Variants in SYAP1 observed in about 807,000 individuals in gnomAD.
SYAP1 encodes synapse associated protein 1.
SYAP1 carries 3 observed loss-of-function variants against 29.6 expected under a neutral mutation model. The observed-to-expected ratio is 0.10, with a 90% CI of 0.05 to 0.26. The LOEUF is 0.26. Ranked by LOEUF, SYAP1 falls within the 10% of genes least tolerant of loss-of-function variation. SYAP1 has a pLI of 1.00. For synonymous variants in SYAP1, 102 were observed against 102.7 expected, an observed-to-expected ratio of 0.99 and a Z score of 0.04; for missense variants, 217 against 264.1, an observed-to-expected ratio of 0.82 and a Z score of 1.24.
chrX:16,754,517 C>T (rs937958560), intron 5 of SYAP1, among the ~76,000 whole-genome samples: 4 of 111,352 alleles, frequency 3.6e-5, no homozygotes, highest in African/African-American at 1.3e-4. Flanking sequence ...ATCATGAGGT[C>T]AGGAGTTTGA....
chrX:16,733,647 G>A (rs978369545), intron 1 of SYAP1, among the ~76,000 whole-genome samples: 3 of 109,292 alleles, frequency 2.7e-5, no homozygotes, highest in Non-Finnish European at 5.7e-5. Flanking sequence ...ACTTTGAAAT[G>A]ATATTTGTCT....
At chrX:16,721,312 A>G (rs1485910470) in intron 1 of SYAP1, among the ~76,000 whole-genome samples, 3 of 108,407 alleles carry the variant, frequency 2.8e-5, no homozygotes, top group African/African-American at 6.8e-5. Flanking sequence ...GCTCACTGCA[A>G]CCTCCACCTC....
intron 1 of SYAP1, among the ~76,000 whole-genome samples, chrX:16,722,662 G>C (rs1925991327): frequency 9.0e-6 from 1 of 111,432 alleles, no homozygotes; most frequent in African/African-American, 3.3e-5. Context: ...CAACTCACCA[G>C]TTAGTGGTGG....
In SYAP1 at chrX:16,729,485, A is replaced by AT. The variant is rs200479115; in HGVS notation, c.176-5725dup. The stretch of plus-strand genomic sequence containing the variant: ...TGCTTTTATTTTATTGATTTTATCG[A>AT]TTTTTTTTTTTTTTTTTAGAGACAG... On this transcript the variant is annotated intron_variant, in intron 1 of 8. Coordinates refer to ENST00000380155, the MANE Select transcript of SYAP1 (RefSeq NM_032796.4). Among the ~76,000 whole-genome samples, 609 of 93,134 alleles carry AT rather than the reference A, an allele frequency of 6.5e-3. 3 individuals carry two copies. The highest frequency in any genetic ancestry group is 0.01 in the Non-Finnish European group (480 of 47,103). 80.9% of individuals were successfully genotyped at this position (93,134 alleles called of 115,157 possible).
intron 1 of SYAP1, among the ~76,000 whole-genome samples, chrX:16,734,780 G>A (rs1483058527): frequency 9.1e-6 from 1 of 109,724 alleles, no homozygotes; most frequent in Non-Finnish European, 1.9e-5. Context: ...CAGATCATTC[G>A]AGGCCAGAAG....
chrX:16,754,865 A>T, intron 5 of SYAP1, 80 bp from the exon 6 acceptor site: 1 of 1,023,879 alleles, frequency 9.8e-7, no homozygotes, highest in Non-Finnish European at 1.4e-6. Context: ...TGCGTTCTCA[A>T]ATGTGTTCTT....
Position 16,761,475 on chromosome X carries a change from C to T in SYAP1, c.*1116C>T, listed in dbSNP as rs768347444. On this transcript the variant is annotated 3_prime_UTR_variant, in exon 9 of 9. Transcript: ENST00000380155. ...ATAAAATTGTGTTCCTCCGAGTTCACCTTCTAGGACTTTATTGATTAATCC... is the reference window on the plus strand; with the variant it reads ...ATAAAATTGTGTTCCTCCGAGTTCATCTTCTAGGACTTTATTGATTAATCC... 1 of 111,493 alleles carries T rather than the reference C, an allele frequency of 9.0e-6. No homozygotes were observed. Among genetic ancestry groups the T allele is most frequent in the East Asian group, 2.8e-4 (1 of 3,561 alleles). The allele number at this position is 111,493 out of a possible 1,213,427, so 9.2% of individuals were successfully genotyped here. A position where few individuals can be genotyped will look rare whatever the true frequency, so the allele number is the denominator to read the frequency against.
At chrX:16,757,556 T>G (rs1055919675) in intron 8 of SYAP1, among the ~76,000 whole-genome samples, 2 of 108,977 alleles carry the variant, frequency 1.8e-5, no homozygotes, top group African/African-American at 3.3e-5. Flanking sequence ...CCGTCTCTAC[T>G]AAAAATACAA....
chrX:16,722,529 CAAAAAAA>C (rs753851782), intron 1 of SYAP1, among the ~76,000 whole-genome samples: 1 of 65,935 alleles, frequency 1.5e-5, no homozygotes, highest in Non-Finnish European at 3.0e-5. Context: ...CTGCATCTCA[CAAAAAAA>C]AAAAAAAAAA....
At chrX:16,749,057 G>T (rs1293129943) in intron 5 of SYAP1, among the ~76,000 whole-genome samples, 3 of 108,560 alleles carry the variant, frequency 2.8e-5, no homozygotes, top group Non-Finnish European at 3.8e-5. Flanking sequence ...GCCTGGCCGT[G>T]AATTTTTTTT....
chrX:16,755,681 C>T (rs1301233253), intron 6 of SYAP1, among the ~76,000 whole-genome samples: 2 of 111,517 alleles, frequency 1.8e-5, no homozygotes, highest in African/African-American at 6.5e-5. Flanking sequence ...TAGTTCTGAG[C>T]TAGGCACTGA....
intron 5 of SYAP1, among the ~76,000 whole-genome samples, chrX:16,746,071 CT>C (rs1272574085): frequency 9.4e-6 from 1 of 106,293 alleles, no homozygotes; most frequent in Non-Finnish European, 1.9e-5. Context: ...TATATGGAAT[CT>C]TTTTTTCTTT....
intron 1 of SYAP1, among the ~76,000 whole-genome samples, chrX:16,735,011 A>C (rs765970841): frequency 1.1e-3 from 114 of 106,271 alleles, no homozygotes; most frequent in African/African-American, 3.7e-3. Context: ...AAAAAAAAAA[A>C]AAAAAAAAAA....
At chrX:16,745,461 C>T (rs939755153) in intron 5 of SYAP1, among the ~76,000 whole-genome samples, 17 of 111,312 alleles carry the variant, frequency 1.5e-4, no homozygotes, top group Non-Finnish European at 2.6e-4. Flanking sequence ...TTGCCTAGGC[C>T]GGGTGCAGTT....
At chrX:16,748,281 T>A (rs1185122434) in intron 5 of SYAP1, among the ~76,000 whole-genome samples, 1 of 111,775 alleles carries the variant, frequency 8.9e-6, no homozygotes, top group Non-Finnish European at 1.9e-5. Flanking sequence ...ATGGGGTTCA[T>A]TGTTCTAGTT....
chrX:16,737,331 G>A (rs962663664), intron 3 of SYAP1, among the ~76,000 whole-genome samples: 4 of 111,396 alleles, frequency 3.6e-5, no homozygotes, highest in African/African-American at 9.8e-5. Flanking sequence ...GCTGTAGTGA[G>A]CTATAATCAT....
At chrX:16,745,328 T>C (rs911865421) in intron 5 of SYAP1, among the ~76,000 whole-genome samples, 9 of 111,374 alleles carry the variant, frequency 8.1e-5, no homozygotes, top group Non-Finnish European at 1.7e-4. Flanking sequence ...GCAGCTTGGC[T>C]CCCCTCCCCA....
intron 1 of SYAP1, among the ~76,000 whole-genome samples, chrX:16,725,914 G>C (rs1375150883): frequency 8.9e-6 from 1 of 111,972 alleles, no homozygotes; most frequent in African/African-American, 3.2e-5. Context: ...ATATGTTTCT[G>C]AGGAAGGGAT....
intron 6 of SYAP1, 104 bp downstream of exon 6, chrX:16,755,197 A>G: frequency 1.2e-6 from 1 of 856,878 alleles, no homozygotes; most frequent in Non-Finnish European, 1.7e-6. Flanking sequence ...GCCTTAGGGA[A>G]AAATTCTTTT....
Sources: gnomAD v4.1 joint callset for allele counts (sites outside exome capture counted in the v4.1 genomes callset) on GRCh38, gnomAD v4.1.1 for gene constraint, MANE v1.5 for transcripts, NCBI Gene and HGNC (gene_info 2026-07-23, HGNC 2026-07-21) for gene names.